The following PVT1 variants were observed in gnomAD, a reference collection of about 807,000 sequenced individuals.
PVT1 encodes Pvt1 oncogene.
rs111378317 is a variant in PVT1 at position 127,924,740 on chromosome 8, T to C, written n.782+33742T>C. 3.6e-3 allele frequency among the ~76,000 whole-genome samples: 541 copies of C among 152,260 alleles called. 4 individuals are homozygous for C. Among genetic ancestry groups the C allele is most frequent in the African/African-American group, 0.012 (504 of 41,552 alleles). ...GTTAGCCAGGATGGTCTTGATCTCC[T>C]GACCTCGTGATCCGCCCACCTCGGC... On this transcript the variant is annotated intron_variant and non_coding_transcript_variant, in intron 3 of 10. Transcript: ENST00000651587.
chr8:128,028,019 C>A (rs911606958), intron 4 of PVT1, among the ~76,000 whole-genome samples: 1 of 152,242 alleles, frequency 6.6e-6, no homozygotes, highest in Non-Finnish European at 1.5e-5. Context: ...CCCCAGTCCT[C>A]CCACTGCTGT....
intron 3 of PVT1, among the ~76,000 whole-genome samples, chr8:127,952,164 T>C (rs1045162236): frequency 6.6e-6 from 1 of 152,190 alleles, no homozygotes; most frequent in Non-Finnish European, 1.5e-5. Flanking sequence ...TTTTAAAAAA[T>C]GAATTTCCTT....
intron 5 of PVT1, chr8:128,070,459 A>C (rs1004120305): frequency 3.9e-5 from 6 of 152,218 alleles, no homozygotes; most frequent in South Asian, 2.1e-4. Context: ...GCAGTGCTCA[A>C]GATTTCTGTT....
intron 4 of PVT1, among the ~76,000 whole-genome samples, chr8:128,005,840 A>G (rs113774171): frequency 0.016 from 2,472 of 152,220 alleles, 69 homozygotes; most frequent in African/African-American, 0.056. Flanking sequence ...GTGGTGGCTC[A>G]CACCCGCAAT....
chr8:127,958,428 T>C (rs10435528), intron 3 of PVT1, among the ~76,000 whole-genome samples: 95,229 of 151,934 alleles, frequency 0.63, 30,071 homozygotes, highest in Middle Eastern at 0.71. Context: ...TTATTGGAGC[T>C]GGGGTTTCAC....
chr8:127,963,611 A>G (rs1816671389), intron 3 of PVT1, among the ~76,000 whole-genome samples: 1 of 152,030 alleles, frequency 6.6e-6, no homozygotes, highest in African/African-American at 2.4e-5. Flanking sequence ...GCATTTACAA[A>G]TATTGAAACC....
At chr8:127,850,201 C>T (rs956483727) in intron 2 of PVT1, among the ~76,000 whole-genome samples, 3 of 152,154 alleles carry the variant, frequency 2.0e-5, no homozygotes, top group African/African-American at 7.2e-5. Flanking sequence ...TTCTATACCA[C>T]CCACCCTAGG....
intron 2 of PVT1, among the ~76,000 whole-genome samples, chr8:127,867,557 C>T (rs1442947281): frequency 1.3e-5 from 2 of 152,218 alleles, no homozygotes; most frequent in Non-Finnish European, 2.9e-5. Flanking sequence ...GCTTTTCGAT[C>T]CTCACTCTGC....
intron 4 of PVT1, among the ~76,000 whole-genome samples, chr8:128,006,642 C>T (rs74782658): frequency 0.014 from 2,142 of 152,276 alleles, 46 homozygotes; most frequent in African/African-American, 0.046. Context: ...GTGTGCCAAA[C>T]AGTGATTTTC....
intron 4 of PVT1, among the ~76,000 whole-genome samples, chr8:128,045,148 C>A (rs1197749086): frequency 2.6e-5 from 4 of 152,160 alleles, no homozygotes; most frequent in African/African-American, 9.7e-5. Flanking sequence ...GCTGGGGCAG[C>A]CCTTGGACAC....
At chr8:127,878,421 G>A (rs900158526) in intron 2 of PVT1, among the ~76,000 whole-genome samples, 11 of 152,156 alleles carry the variant, frequency 7.2e-5, no homozygotes, top group African/African-American at 2.4e-4. Context: ...TATGGATGCA[G>A]GTTCAAAGAA....
At chr8:127,941,808 T>C (rs955491465) in intron 3 of PVT1, among the ~76,000 whole-genome samples, 2 of 152,256 alleles carry the variant, frequency 1.3e-5, no homozygotes, top group Admixed American at 1.3e-4. Context: ...CTCTGTGGCC[T>C]GAGGGGCCCC....
intron 3 of PVT1, among the ~76,000 whole-genome samples, chr8:127,903,857 G>A (rs889121435): frequency 6.6e-6 from 1 of 152,188 alleles, no homozygotes; most frequent in South Asian, 2.1e-4. Context: ...GTCAGGTAAT[G>A]TGAGGTCTCT....
At position 128,040,128 on chromosome 8, in the gene PVT1, TG is replaced by T. The variant is rs1177245800; in HGVS notation, n.913-30030del. 2.6e-5 allele frequency among the ~76,000 whole-genome samples: 4 copies of T among 152,368 alleles called. No individual in the cohort carries two copies. The South Asian group carries it at 8.3e-4, about 32-fold the overall frequency. Reference sequence around the variant, plus strand: ...CATGTACAGATCCAGAGTGTCCACTTGGCCAGGCCATGGTACTCAGACATGT... The same window carrying T: ...CATGTACAGATCCAGAGTGTCCACTTGCCAGGCCATGGTACTCAGACATGT... On this transcript the variant is annotated intron_variant and non_coding_transcript_variant, in intron 4 of 10. Transcript: ENST00000651587.
intron 4 of PVT1, among the ~76,000 whole-genome samples, chr8:128,014,410 C>T (rs80285978): frequency 0.045 from 6,867 of 152,292 alleles, 199 homozygotes; most frequent in Non-Finnish European, 0.066. Flanking sequence ...TTTGCGATAT[C>T]TTCAGACTCT....
intron 2 of PVT1, among the ~76,000 whole-genome samples, chr8:127,816,582 A>T (rs541875242): frequency 6.6e-6 from 1 of 150,658 alleles, no homozygotes; most frequent in East Asian, 2.0e-4. Context: ...GGAGTGCAAT[A>T]GCATGATCTC....
chr8:128,060,280 C>T (rs764810531), intron 4 of PVT1, among the ~76,000 whole-genome samples: 5 of 152,052 alleles, frequency 3.3e-5, no homozygotes, highest in Non-Finnish European at 7.4e-5. Flanking sequence ...GAACCAGGTT[C>T]GTTGGCCTCA....
chr8:127,937,574 C>G (rs1354698165), intron 3 of PVT1, among the ~76,000 whole-genome samples: 60 of 96,268 alleles, frequency 6.2e-4, no homozygotes, highest in South Asian at 6.0e-3. Flanking sequence ...CACACACACA[C>G]ACACACAGAG....
intron 4 of PVT1, among the ~76,000 whole-genome samples, chr8:128,066,914 G>A (rs1183645435): frequency 6.6e-6 from 1 of 152,068 alleles, no homozygotes; most frequent in Non-Finnish European, 1.5e-5. Flanking sequence ...TCCCTCAGGG[G>A]ACTTCTTGCT....
Sources: gnomAD v4.1 joint callset for allele counts (sites outside exome capture counted in the v4.1 genomes callset) on GRCh38, gnomAD v4.1.1 for gene constraint, MANE v1.5 for transcripts, NCBI Gene and HGNC (gene_info 2026-07-23, HGNC 2026-07-21) for gene names.